The following AKIP1 variants were observed in gnomAD, a reference collection of about 807,000 sequenced individuals.
AKIP1 encodes the protein A-kinase interacting protein 1.
AKIP1 carries 18 observed loss-of-function variants against 22.3 expected under a neutral mutation model. That is an observed-to-expected ratio of 0.81 (90% CI 0.56 to 1.19). The LOEUF (loss-of-function observed/expected upper bound fraction) is 1.19, where lower values mean the gene tolerates loss of function less well. Among genes scored for constraint, AKIP1 ranks in the 50% most tolerant of loss-of-function variants. The probability of loss-of-function intolerance (pLI) is 0.00; values close to 1 mark genes in which losing one functional copy is unlikely to be tolerated. For synonymous variants in AKIP1, 120 were observed against 102.7 expected, an observed-to-expected ratio of 1.17 and a Z score of -1.02; for missense variants, 287 against 264.6, an observed-to-expected ratio of 1.08 and a Z score of -0.59.
Position 8,919,609 on chromosome 11 carries a change from AGTCT to A in AKIP1, c.*134_*137del, listed in dbSNP as rs2064546922. On this transcript the variant is annotated 3_prime_UTR_variant, in exon 6 of 6. Transcript: ENST00000309377. ...ACTGGGTCAGCCTTCCGGGAACTGG[AGTCT>A]GTCTCTTTCAGTGCTTTTTTGTTTG... 1 of 1,027,302 alleles carries A rather than the reference AGTCT, an allele frequency of 9.7e-7. No homozygotes were observed. The highest frequency in any genetic ancestry group is 1.4e-6 in the Non-Finnish European group (1 of 700,670). 63.6% of individuals were successfully genotyped at this position (1,027,302 alleles called of 1,614,324 possible). A position where few individuals can be genotyped will look rare whatever the true frequency, so the allele number is the denominator to read the frequency against.
Position 8,911,458 on chromosome 11 carries a change from CTGTT to C in AKIP1, c.12_15del (p.Cys4TrpfsTer6), listed in dbSNP as rs1388913105. ...TGCCCACTCAGGGAGCCATGGACAA[CTGTT>C]TGGCGGCCGCAGCGCTGAATGGGGT... On this transcript the variant is annotated frameshift_variant, in exon 2 of 6. Coordinates refer to ENST00000309377, the MANE Select transcript of AKIP1 (RefSeq NM_020642.4). LOFTEE classifies it high-confidence loss of function. 5.0e-6 allele frequency: 8 copies of C among 1,596,330 alleles called. No homozygotes were observed. The highest frequency in any genetic ancestry group is 1.3e-5 in the African/African-American group (1 of 74,722).
chr11:8,914,738 T>C (rs2064451176), intron 3 of AKIP1, 88 bp from the exon 4 acceptor site: 1 of 969,674 alleles, frequency 1.0e-6, no homozygotes, highest in African/African-American at 1.6e-5. Context: ...GCCTCCCTCC[T>C]TAACTGCACT....
Position 8,913,555 on chromosome 11 carries a change from T to C in AKIP1, c.303+1022T>C, listed in dbSNP as rs550270001. Among the ~76,000 whole-genome samples the C allele has an allele frequency of 1.1e-4, 17 of 152,354 alleles. No individual in the cohort carries two copies. The South Asian group carries it at 1.2e-3, about 11-fold the overall frequency. The stretch of plus-strand genomic sequence containing the variant: ...AAAACATTCAAGGAAATTACCTGCA[T>C]GGAAGGCACTGTCTTCTAGGAATTA... On this transcript the variant is annotated intron_variant, in intron 3 of 5. Transcript: ENST00000309377.
At chr11:8,911,852 G>C (rs912651148) in intron 2 of AKIP1, among the ~76,000 whole-genome samples, 181 bp downstream of exon 2, 3 of 151,938 alleles carry the variant, frequency 2.0e-5, no homozygotes, top group Admixed American at 2.0e-4. Context: ...ATTCTTGTTG[G>C]GTAGCTGTAG....
intron 5 of AKIP1, chr11:8,917,761 A>G (rs572808467): frequency 3.0e-6 from 1 of 332,830 alleles, no homozygotes; most frequent in African/African-American, 2.1e-5. Context: ...AAACATACAC[A>G]TTTGGTGAGA....
intron 2 of AKIP1, among the ~76,000 whole-genome samples, chr11:8,912,198 C>CAAA (rs57540447): frequency 1.4e-4 from 11 of 79,592 alleles, no homozygotes; most frequent in African/African-American, 4.7e-4. Flanking sequence ...ACCTCCGTCT[C>CAAA]AAAAAAAAAA....
At chr11:8,912,580 C>A in intron 3 of AKIP1, 47 bp downstream of exon 3, 1 of 1,488,032 alleles carries the variant, frequency 6.7e-7, no homozygotes, top group South Asian at 1.1e-5. Flanking sequence ...TGCTGATGGA[C>A]CACATTTGGA....
chr11:8,912,794 T>G lies in AKIP1; in HGVS notation c.303+261T>G, dbSNP rs183602255. Among the ~76,000 whole-genome samples, 339 of 152,160 alleles carry G rather than the reference T, an allele frequency of 2.2e-3. 1 individual carries two copies. Among genetic ancestry groups the G allele is most frequent in the African/African-American group, 7.7e-3 (321 of 41,496 alleles). On this transcript the variant is annotated intron_variant, in intron 3 of 5. Coordinates refer to ENST00000309377, the MANE Select transcript of AKIP1 (RefSeq NM_020642.4). ...AAAGGTCTTCTGCCCTCAGTGATCTTTCAGTCTAGTGGGGGGAAAATAGCT... is the reference window on the plus strand; with the variant it reads ...AAAGGTCTTCTGCCCTCAGTGATCTGTCAGTCTAGTGGGGGGAAAATAGCT...
At chr11:8,915,460 C>T (rs1251372962) in intron 4 of AKIP1, among the ~76,000 whole-genome samples, 1 of 144,356 alleles carries the variant, frequency 6.9e-6, no homozygotes, top group Non-Finnish European at 1.5e-5. Context: ...ACTTCCTGGG[C>T]AGGTGATCCT....
intron 4 of AKIP1, among the ~76,000 whole-genome samples, chr11:8,916,357 C>T (rs942687396): frequency 2.0e-5 from 3 of 152,200 alleles, no homozygotes; most frequent in Non-Finnish European, 2.9e-5. Context: ...AGTTACGGGC[C>T]TCTCACTACA....
chr11:8,912,314 C>A (rs995584661), intron 2 of AKIP1, 139 bp from the exon 3 acceptor site: 26 of 645,366 alleles, frequency 4.0e-5, no homozygotes, highest in African/African-American at 5.5e-5. Flanking sequence ...AGTTGGAATT[C>A]TTTCTCAATA....
chr11:8,911,319 GT>G, intron 1 of AKIP1, 96 bp downstream of exon 1: 1 of 837,162 alleles, frequency 1.2e-6, no homozygotes, highest in Non-Finnish European at 1.8e-6. Context: ...TGGAGTGTGC[GT>G]TGGGGGCGGA....
intron 4 of AKIP1, among the ~76,000 whole-genome samples, chr11:8,916,626 T>C (rs77641244): frequency 0.021 from 3,118 of 152,042 alleles, 45 homozygotes; most frequent in Middle Eastern, 0.034. Flanking sequence ...GATGGGAGAG[T>C]GGGCACAGGG....
chr11:8,918,146 C>G (rs900275121), intron 5 of AKIP1: 2 of 152,186 alleles, frequency 1.3e-5, no homozygotes, highest in Admixed American at 1.3e-4. Flanking sequence ...CAGCCACATG[C>G]CAACCTTACC....
chr11:8,912,330 G>T, intron 2 of AKIP1, 123 bp from the exon 3 acceptor site: 1 of 726,622 alleles, frequency 1.4e-6, no homozygotes, highest in Non-Finnish European at 2.4e-6. Context: ...CAATAACATC[G>T]TTCTTTCTGA....
chr11:8,915,347 A>ATTTTTTTTTTTTTT (rs146108642), intron 4 of AKIP1, among the ~76,000 whole-genome samples: 1 of 105,096 alleles, frequency 9.5e-6, no homozygotes, highest in African/African-American at 3.3e-5. Context: ...TAGGGATAGG[A>ATTTTTTTTTTTTTT]TTTTTTTTTT....
chr11:8,919,240 C>G, intron 5 of AKIP1, 97 bp from the exon 6 acceptor site: 6 of 1,200,618 alleles, frequency 5.0e-6, no homozygotes, highest in Non-Finnish European at 5.9e-6. Context: ...GCGCTTCATT[C>G]CATCACACCT....
chr11:8,917,386 A>G lies in AKIP1; in HGVS notation c.489+19A>G. On this transcript the variant is annotated intron_variant, in intron 5 of 5. Transcript: ENST00000309377. ...CCAGCCTGTGAGTACGGAACTGCTT[A>G]CGCACTGGGTTTCACCACCGTTGCA... The G allele has an allele frequency of 6.2e-7, 1 of 1,602,276 alleles. No individual in the cohort carries two copies. The highest frequency in any genetic ancestry group is 1.1e-5 in the South Asian group (1 of 90,706).
Position 8,919,404 on chromosome 11 carries a change from C to T in AKIP1, c.557C>T (p.Ser186Leu). Reference sequence around the variant, plus strand: ...GGGACCTATTCTGTCACTGTGGGCTCAAATGACTTAACCAAGAAGACTCAT... The same window carrying T: ...GGGACCTATTCTGTCACTGTGGGCTTAAATGACTTAACCAAGAAGACTCAT... ...YPGTYSVTVGSNDLTKKTHVV... is the reference protein window; with the variant it reads ...YPGTYSVTVGLNDLTKKTHVV... Residue 186 changes from serine to leucine, a missense_variant, in exon 6 of 6, where the codon TCA becomes TTA. Ser to Leu is a moderately radical substitution (Grantham distance 145). Transcript: ENST00000309377. 1 of 1,614,152 alleles carries T rather than the reference C, an allele frequency of 6.2e-7. No individual in the cohort carries two copies. Among genetic ancestry groups the T allele is most frequent in the Non-Finnish European group, 8.5e-7 (1 of 1,179,988 alleles).
Sources: gnomAD v4.1 joint callset for allele counts (sites outside exome capture counted in the v4.1 genomes callset) on GRCh38, gnomAD v4.1.1 for gene constraint, MANE v1.5 for transcripts, NCBI Gene and HGNC (gene_info 2026-07-23, HGNC 2026-07-21) for gene names.